Variants in ROCK2 observed in about 807,000 individuals in gnomAD.
ROCK2 encodes Rho associated coiled-coil containing protein kinase 2, also known as rho-associated protein kinase 2.
Under a neutral mutation model 195.1 loss-of-function variants are expected in ROCK2, and 61 were observed. The observed-to-expected ratio is 0.31, with a 90% CI of 0.25 to 0.39. The LOEUF is 0.39. ROCK2 is among the 10% of genes least tolerant of loss of function. The probability of loss-of-function intolerance (pLI) is 1.00; values close to 1 mark genes in which losing one functional copy is unlikely to be tolerated. For synonymous variants in ROCK2, 504 were observed against 545.5 expected (o/e 0.92, Z 1.06); for missense variants, 1,109 against 1,637.4 (o/e 0.68, Z 5.57).
At chr2:11,297,690 C>G (rs1304466556) in intron 1 of ROCK2, among the ~76,000 whole-genome samples, 2 of 152,100 alleles carry the variant, frequency 1.3e-5, no homozygotes, top group Admixed American at 6.6e-5. Flanking sequence ...ATAAACACAT[C>G]TATTCTAAAT....
Position 11,183,451 on chromosome 2 carries a change from A to G in ROCK2, c.4164-11T>C, listed in dbSNP as rs1663078068. The G allele has an allele frequency of 6.3e-7, 1 of 1,583,444 alleles. No individual in the cohort carries two copies. Among genetic ancestry groups the G allele is most frequent in the Non-Finnish European group, 8.6e-7 (1 of 1,157,462 alleles). ...ATAGAAGGCAGTTAGCTGAAAAGAA[A>G]GGAAAAATAAAGTTAGTTGATACAG... On this transcript the variant is annotated splice_polypyrimidine_tract_variant and intron_variant, in intron 32 of 32. Coordinates refer to ENST00000315872, the MANE Select transcript of ROCK2 (RefSeq NM_004850.5).
intron 27 of ROCK2, among the ~76,000 whole-genome samples, chr2:11,196,563 G>A (rs975631539): frequency 2.0e-5 from 3 of 152,134 alleles, no homozygotes; most frequent in Non-Finnish European, 4.4e-5. Flanking sequence ...ATTTTTAACT[G>A]AGTCTACAAC....
At chr2:11,326,361 A>T (rs1202192241) in intron 1 of ROCK2, among the ~76,000 whole-genome samples, 1 of 152,254 alleles carries the variant, frequency 6.6e-6, no homozygotes, top group African/African-American at 2.4e-5. Context: ...GACAAGTGTC[A>T]AGTACTTTTG....
At chr2:11,328,845 C>G (rs1668627439) in intron 1 of ROCK2, among the ~76,000 whole-genome samples, 1 of 149,752 alleles carries the variant, frequency 6.7e-6, no homozygotes, top group African/African-American at 2.5e-5. Flanking sequence ...CATGTTCTCA[C>G]TCATAGATGG....
At chr2:11,343,935 G>C in intron 1 of ROCK2, 61 bp downstream of exon 1, 1 of 1,540,928 alleles carries the variant, frequency 6.5e-7, no homozygotes, top group East Asian at 2.6e-5. Context: ...GGAGGGCTGG[G>C]CGGAGAGGGG....
chr2:11,257,567 GGTGA>G (rs913681184), intron 3 of ROCK2, among the ~76,000 whole-genome samples: 5 of 151,346 alleles, frequency 3.3e-5, no homozygotes, highest in Admixed American at 3.3e-4. Flanking sequence ...CTTTGGAAGA[GGTGA>G]GTTTTATGAA....
At chr2:11,291,492 G>A (rs1667361725) in intron 1 of ROCK2, among the ~76,000 whole-genome samples, 1 of 152,136 alleles carries the variant, frequency 6.6e-6, no homozygotes, top group Non-Finnish European at 1.5e-5. Context: ...GGAAGTTGCA[G>A]CGAGCGGAGG....
chr2:11,213,465 C>G (rs1352173428), intron 17 of ROCK2, among the ~76,000 whole-genome samples: 1 of 151,796 alleles, frequency 6.6e-6, no homozygotes, highest in Non-Finnish European at 1.5e-5. Context: ...TAACCTGATG[C>G]CTTTTTCTTT....
intron 32 of ROCK2, among the ~76,000 whole-genome samples, chr2:11,190,514 T>G (rs569358845): frequency 1.8e-4 from 27 of 152,258 alleles, no homozygotes; most frequent in Admixed American, 4.6e-4. Context: ...CCTCATAAAC[T>G]AATTCCATAT....
chr2:11,185,683 C>T lies in ROCK2; in HGVS notation c.4164-2243G>A, dbSNP rs191525760. 2.2e-3 allele frequency among the ~76,000 whole-genome samples: 340 copies of T among 152,170 alleles called. 3 individuals are homozygous for T. Among genetic ancestry groups the T allele is most frequent in the African/African-American group, 8.0e-3 (331 of 41,506 alleles). On this transcript the variant is annotated intron_variant, in intron 32 of 32. Coordinates refer to ENST00000315872, the MANE Select transcript of ROCK2 (RefSeq NM_004850.5). Reference sequence around the variant, plus strand: ...GGCGGAAGTTGTAGTGAGCCGAGATCGTGCCATTGCACTCCAGCCTGGGGA... The same window carrying T: ...GGCGGAAGTTGTAGTGAGCCGAGATTGTGCCATTGCACTCCAGCCTGGGGA...
chr2:11,343,362 G>A (rs1240666928), intron 1 of ROCK2, among the ~76,000 whole-genome samples: 1 of 152,194 alleles, frequency 6.6e-6, no homozygotes, highest in Non-Finnish European at 1.5e-5. Flanking sequence ...ACGCAATGAA[G>A]AGGACAGATT....
chr2:11,317,153 T>C (rs1476530799), intron 1 of ROCK2, among the ~76,000 whole-genome samples: 1 of 152,080 alleles, frequency 6.6e-6, no homozygotes, highest in East Asian at 1.9e-4. Flanking sequence ...ACAGAAATGA[T>C]GCAAGTAACT....
chr2:11,215,796 T>C, intron 13 of ROCK2, 151 bp from the exon 14 acceptor site: 1 of 644,166 alleles, frequency 1.6e-6, no homozygotes, highest in Non-Finnish European at 2.6e-6. Flanking sequence ...TCTATGATTG[T>C]AAACTAGCAC....
At chr2:11,249,616 A>G in intron 4 of ROCK2, 45 bp downstream of exon 4, 1 of 1,376,792 alleles carries the variant, frequency 7.3e-7, no homozygotes, top group Non-Finnish European at 9.5e-7. Flanking sequence ...ATAATAAAGC[A>G]CTCATAAAAA....
chr2:11,337,485 T>A (rs779034277), intron 1 of ROCK2, among the ~76,000 whole-genome samples: 2 of 152,122 alleles, frequency 1.3e-5, no homozygotes, highest in Non-Finnish European at 2.9e-5. Flanking sequence ...AAAAAGTACA[T>A]CATTCATCAT....
At chr2:11,233,087 G>A (rs544069090) in intron 5 of ROCK2, among the ~76,000 whole-genome samples, 6 of 151,968 alleles carry the variant, frequency 3.9e-5, no homozygotes, top group South Asian at 2.1e-4. Flanking sequence ...GGTGGTGTAC[G>A]CCTGTTGTCC....
intron 32 of ROCK2, among the ~76,000 whole-genome samples, chr2:11,187,569 G>A (rs1663242597): frequency 6.6e-6 from 1 of 152,166 alleles, no homozygotes; most frequent in African/African-American, 2.4e-5. Flanking sequence ...AATAATGCCT[G>A]CATGCGCCTC....
chr2:11,253,248 C>T (rs993777925), intron 3 of ROCK2, among the ~76,000 whole-genome samples: 3 of 152,152 alleles, frequency 2.0e-5, no homozygotes, highest in South Asian at 2.1e-4. Context: ...TCCACCTTCC[C>T]GACTTAAATC....
At chr2:11,305,577 G>C (rs1036104911) in intron 1 of ROCK2, among the ~76,000 whole-genome samples, 8 of 151,992 alleles carry the variant, frequency 5.3e-5, no homozygotes, top group African/African-American at 1.9e-4. Flanking sequence ...CTCAGATCTT[G>C]GTTTTAAAAT....
Sources: gnomAD v4.1 joint callset for allele counts (sites outside exome capture counted in the v4.1 genomes callset) on GRCh38, gnomAD v4.1.1 for gene constraint, MANE v1.5 for transcripts, NCBI Gene and HGNC (gene_info 2026-07-23, HGNC 2026-07-21) for gene names.